The following RNF150 variants were observed in gnomAD, a reference collection of about 807,000 sequenced individuals.
RNF150 encodes the protein ring finger protein 150.
Under a neutral mutation model 39.3 loss-of-function variants are expected in RNF150, and 24 were observed. The ratio of observed to expected loss-of-function variants is 0.61; its 90% CI spans 0.44 to 0.86. The LOEUF (loss-of-function observed/expected upper bound fraction) is 0.86, where lower values mean the gene tolerates loss of function less well. Among genes scored for constraint, RNF150 ranks in the 40% least tolerant of loss-of-function variants. The pLI is 0.00. For synonymous variants in RNF150, 255 were observed against 227.3 expected, an observed-to-expected ratio of 1.12 and a Z score of -1.10; for missense variants, 502 against 587.8, an observed-to-expected ratio of 0.85 and a Z score of 1.51.
chr4:140,999,970 AAG>A (rs1200507403), intron 1 of RNF150, among the ~76,000 whole-genome samples: 1 of 23,800 alleles, frequency 4.2e-5, no homozygotes, highest in Non-Finnish European at 1.3e-4. Flanking sequence ...GAAGAAGAAG[AAG>A]AAGAAAAGAA....
At chr4:141,038,070 C>CT (rs1277576395) in intron 1 of RNF150, among the ~76,000 whole-genome samples, 1 of 152,182 alleles carries the variant, frequency 6.6e-6, no homozygotes, top group Non-Finnish European at 1.5e-5. Flanking sequence ...CATTCCCACT[C>CT]TGAGAAATCT....
chr4:140,932,224 G>A (rs1731674748), intron 4 of RNF150, among the ~76,000 whole-genome samples: 1 of 152,154 alleles, frequency 6.6e-6, no homozygotes. Context: ...AAATGTTTCT[G>A]CAGAGCCTCT....
At chr4:140,949,396 T>A in intron 2 of RNF150, 24 bp from the exon 3 acceptor site, 2 of 1,604,040 alleles carry the variant, frequency 1.2e-6, no homozygotes, top group South Asian at 2.2e-5. Flanking sequence ...ACGTGCTTGT[T>A]AATAATAAAG....
chr4:140,890,682 A>G (rs910923479), intron 6 of RNF150, among the ~76,000 whole-genome samples: 9 of 152,198 alleles, frequency 5.9e-5, no homozygotes, highest in African/African-American at 2.2e-4. Context: ...CCATGCAGCC[A>G]TCCTGATCTT....
intron 1 of RNF150, among the ~76,000 whole-genome samples, chr4:141,006,068 C>CA (rs370503215): frequency 0.034 from 1,931 of 57,452 alleles, 81 homozygotes; most frequent in South Asian, 0.069. Flanking sequence ...GACTCCGTCT[C>CA]AAAAAAAAAA....
At chr4:141,191,172 G>A (rs900230122) in intron 1 of RNF150, among the ~76,000 whole-genome samples, 3 of 152,204 alleles carry the variant, frequency 2.0e-5, no homozygotes, top group Non-Finnish European at 4.4e-5. Flanking sequence ...TCTGGATGGT[G>A]ACCGCTAAGT....
chr4:141,150,554 C>A (rs1727279342), intron 1 of RNF150, among the ~76,000 whole-genome samples: 1 of 152,198 alleles, frequency 6.6e-6, no homozygotes, highest in South Asian at 2.1e-4. Context: ...CTTCTTTCCT[C>A]AATTTTCCGG....
In RNF150 at chr4:141,183,995, T is replaced by A. The variant is rs560982815; in HGVS notation, c.-6+28799A>T. 8.5e-4 allele frequency among the ~76,000 whole-genome samples: 129 copies of A among 152,348 alleles called. 1 individual carries two copies. The highest frequency in any genetic ancestry group is 1.6e-3 in the Non-Finnish European group (108 of 68,034). ...GTGTGCATGTGTCTTTATAGTAGAA[T>A]GATTTATAATCCTTTGGGTATATAC... is the stretch of plus-strand genomic sequence containing the variant. On this transcript the variant is annotated intron_variant, in intron 1 of 7. Transcript: ENST00000420921.
intron 1 of RNF150, among the ~76,000 whole-genome samples, chr4:141,001,908 T>A (rs73860209): frequency 0.075 from 11,443 of 152,178 alleles, 489 homozygotes; most frequent in Middle Eastern, 0.16. Flanking sequence ...ACAATTATTT[T>A]AAGCAGTTTA....
Position 140,982,566 on chromosome 4 carries a change from C to T in RNF150, c.485-14693G>A, listed in dbSNP as rs372600225. On this transcript the variant is annotated intron_variant, in intron 1 of 6. Transcript: ENST00000515673. ...TTTTTCAGCAGGAGGATGAGCAGAA[C>T]GATTGTTAGGGACTAACAAAACCTT... is the stretch of plus-strand genomic sequence containing the variant. 2.9e-4 allele frequency among the ~76,000 whole-genome samples: 40 copies of T among 138,858 alleles called. No individual in the cohort carries two copies. In the South Asian group the frequency reaches 8.2e-3, roughly 29 times the overall value. 91.1% of individuals were successfully genotyped at this position (138,858 alleles called of 152,430 possible). A position where few individuals can be genotyped will look rare whatever the true frequency, so the allele number is the denominator to read the frequency against.
At chr4:140,899,944 T>TTCTCTCTCTCTTTCTCTCTCTC (rs762146386) in intron 6 of RNF150, among the ~76,000 whole-genome samples, 1 of 110,022 alleles carries the variant, frequency 9.1e-6, no homozygotes, top group Non-Finnish European at 1.8e-5. Context: ...CTCTCTCACT[T>TTCTCTCTCTCTTTCTCTCTCTC]TCTCTCTCTC....
At chr4:141,186,357 GTGTGGGATC>G (rs1728012225) in intron 1 of RNF150, among the ~76,000 whole-genome samples, 1 of 151,858 alleles carries the variant, frequency 6.6e-6, no homozygotes, top group Non-Finnish European at 1.5e-5. Flanking sequence ...GTTTGTATTT[GTGTGGGATC>G]TGTGGTGATA....
intron 1 of RNF150, among the ~76,000 whole-genome samples, chr4:141,008,306 A>T (rs1312967340): frequency 6.6e-6 from 1 of 152,084 alleles, no homozygotes; most frequent in Non-Finnish European, 1.5e-5. Flanking sequence ...ATTTGTATCC[A>T]TTCTTTAATC....
At chr4:141,175,424 C>G (rs1727792515) in intron 1 of RNF150, among the ~76,000 whole-genome samples, 1 of 152,102 alleles carries the variant, frequency 6.6e-6, no homozygotes, top group African/African-American at 2.4e-5. Context: ...ATTTTAATGA[C>G]AAGATAATTT....
At chr4:141,091,220 G>A (rs569998862) in intron 1 of RNF150, among the ~76,000 whole-genome samples, 1 of 152,284 alleles carries the variant, frequency 6.6e-6, no homozygotes, top group East Asian at 1.9e-4. Context: ...TAATGTGGGG[G>A]ATAATTGTAG....
intron 1 of RNF150, among the ~76,000 whole-genome samples, chr4:141,023,928 C>T (rs1735596897): frequency 6.6e-6 from 1 of 152,156 alleles, no homozygotes; most frequent in African/African-American, 2.4e-5. Context: ...AGATAATTAG[C>T]TTGCAATACT....
intron 1 of RNF150, among the ~76,000 whole-genome samples, chr4:141,151,409 GACACACACACACACACACACACAC>G (rs869289733): frequency 2.5e-5 from 3 of 121,916 alleles, no homozygotes; most frequent in African/African-American, 8.8e-5. Context: ...CATCTCTACA[GACACACACACACACACACACACAC>G]ACACACACAC....
intron 2 of RNF150, among the ~76,000 whole-genome samples, chr4:140,967,172 A>G (rs998416885): frequency 6.6e-6 from 1 of 152,134 alleles, no homozygotes; most frequent in African/African-American, 2.4e-5. Context: ...ACACATGGGA[A>G]GGCAATTACT....
intron 1 of RNF150, among the ~76,000 whole-genome samples, chr4:141,088,960 G>T (rs147127346): frequency 6.6e-6 from 1 of 152,106 alleles, no homozygotes; most frequent in Non-Finnish European, 1.5e-5. Flanking sequence ...TCAGCTTCTA[G>T]TATTTTACAT....
Sources: allele counts gnomAD v4.1 joint callset (sites outside exome capture counted in the v4.1 genomes callset), GRCh38; gene constraint gnomAD v4.1.1; transcripts MANE v1.5; gene names NCBI Gene and HGNC (gene_info 2026-07-23, HGNC 2026-07-21).